Variants in DYM observed in about 807,000 individuals in gnomAD.
The protein encoded by DYM is dymeclin.
A neutral mutation model predicts 93.1 loss-of-function variants in DYM; 78 were observed. The ratio of observed to expected loss-of-function variants is 0.84; its 90% confidence interval spans 0.70 to 1.01. DYM has a LOEUF of 1.01. Ranked by LOEUF, DYM falls within the 50% of genes least tolerant of loss-of-function variation. The pLI, the probability that DYM is intolerant of heterozygous loss-of-function variation, is 0.00. For missense variants in DYM, 789 were observed against 845.0 expected (o/e 0.93, Z 0.82); for synonymous variants, 321 against 319.7 (o/e 1.00, Z -0.04).
At chr18:49,203,001 TG>T (rs1276619696) in intron 14 of DYM, among the ~76,000 whole-genome samples, 3 of 55,588 alleles carry the variant, frequency 5.4e-5, no homozygotes, top group East Asian at 6.5e-4. Context: ...GGGAGGGAGG[TG>T]GGGGGGTCAG....
In DYM at chr18:49,148,146, G is replaced by C. The variant is rs991635134; in HGVS notation, c.1728+15539C>G. Reference sequence around the variant, plus strand: ...CTCACAGGTGGGAATTGAACAATGAGAACACATGGACACAGGAAGGGGAAC... The same window carrying C: ...CTCACAGGTGGGAATTGAACAATGACAACACATGGACACAGGAAGGGGAAC... On this transcript the variant is annotated intron_variant, in intron 15 of 17. Coordinates refer to ENST00000675505, the MANE Select transcript of DYM (RefSeq NM_001353214.3). Among the ~76,000 whole-genome samples, 7 of 152,172 alleles carry C rather than the reference G, an allele frequency of 4.6e-5. No individual in the cohort carries two copies. The Middle Eastern group carries it at 0.014, about 296-fold the overall frequency.
intron 8 of DYM, among the ~76,000 whole-genome samples, chr18:49,296,971 T>C (rs1393201039): frequency 6.6e-6 from 1 of 152,204 alleles, no homozygotes; most frequent in Non-Finnish European, 1.5e-5. Flanking sequence ...CTATAAATCT[T>C]GGAGGGCTCC....
In DYM at chr18:49,181,260, G is replaced by A. The variant is rs553674719; in HGVS notation, c.1626-17473C>T. ...AACCCAAAGCAAAATGAATGTTTCC[G>A]TGGAACAGCATGATTTTGAGATCAC... On this transcript the variant is annotated intron_variant, in intron 14 of 17. Coordinates refer to ENST00000675505, the MANE Select transcript of DYM (RefSeq NM_001353214.3). 2.0e-4 allele frequency among the ~76,000 whole-genome samples: 31 copies of A among 152,238 alleles called. 1 individual carries two copies. The East Asian group carries it at 4.1e-3, about 20-fold the overall frequency.
rs188322451 is a variant in DYM, at chr18:49,096,407, A to C, written c.2025+995T>G. Among the ~76,000 whole-genome samples the C allele has an allele frequency of 5.8e-3, 876 of 152,330 alleles. 4 individuals carry two copies. The highest frequency in any genetic ancestry group is 0.015 in the Admixed American group (235 of 15,302). On this transcript the variant is annotated intron_variant, in intron 17 of 17. Transcript: ENST00000675505. ...AATATCTCTCAAGCATTCATTAAGC[A>C]GTGGTTCTAGTGATAGTGCTGAAAA...
At chr18:49,376,334 AG>A (rs903265327) in intron 5 of DYM, among the ~76,000 whole-genome samples, 2 of 152,250 alleles carry the variant, frequency 1.3e-5, no homozygotes, top group African/African-American at 2.4e-5. Flanking sequence ...TATGCTCTCA[AG>A]GATGAAACTT....
intron 1 of DYM, among the ~76,000 whole-genome samples, chr18:49,455,634 G>A (rs1342445052): frequency 2.0e-5 from 3 of 152,182 alleles, no homozygotes; most frequent in African/African-American, 7.2e-5. Flanking sequence ...ATGTAGGTTA[G>A]TCTGGGTTCA....
chr18:49,310,048 A>G (rs571928886), intron 8 of DYM, among the ~76,000 whole-genome samples: 3 of 152,382 alleles, frequency 2.0e-5, no homozygotes, highest in South Asian at 2.1e-4. Flanking sequence ...AAGCTTGTAA[A>G]TAATACCAAA....
At chr18:49,266,149 A>C (rs190389258) in intron 11 of DYM, among the ~76,000 whole-genome samples, 5 of 152,298 alleles carry the variant, frequency 3.3e-5, no homozygotes, top group Admixed American at 3.3e-4. Flanking sequence ...AAAAATTGGA[A>C]GAAAGAGATG....
At chr18:49,192,947 G>A (rs990617665) in intron 14 of DYM, among the ~76,000 whole-genome samples, 1 of 152,140 alleles carries the variant, frequency 6.6e-6, no homozygotes, top group Non-Finnish European at 1.5e-5. Flanking sequence ...CAAAGCCCCA[G>A]TTAGGCAGGA....
intron 17 of DYM, among the ~76,000 whole-genome samples, chr18:49,070,647 A>G (rs1254090561): frequency 2.0e-5 from 3 of 152,190 alleles, no homozygotes. Flanking sequence ...TTTGAATGCT[A>G]CTTTAGAAAC....
rs1008106366 is a variant in DYM, at chr18:49,421,028, G to C, written c.140+9227C>G. 4.6e-5 allele frequency among the ~76,000 whole-genome samples: 7 copies of C among 152,148 alleles called. No homozygotes were observed. The East Asian group carries it at 1.4e-3, about 29-fold the overall frequency. ...AAGCAGCCGGGAAGCCCAAACCGCA[G>C]CTCAAGGAGAACTGCCTGCCTCTGT... On this transcript the variant is annotated intron_variant, in intron 2 of 17. Coordinates refer to ENST00000675505, the MANE Select transcript of DYM (RefSeq NM_001353214.3).
chr18:49,148,818 C>T (rs1170816731), intron 15 of DYM, among the ~76,000 whole-genome samples: 1 of 152,232 alleles, frequency 6.6e-6, no homozygotes, highest in African/African-American at 2.4e-5. Context: ...AGCCTTTGCA[C>T]TCCCTGCTCT....
intron 1 of DYM, among the ~76,000 whole-genome samples, chr18:49,439,529 C>T (rs1052161346): frequency 2.6e-5 from 4 of 152,150 alleles, no homozygotes; most frequent in Admixed American, 2.6e-4. Flanking sequence ...TCTTCCTTAT[C>T]CCTAATCAAT....
intron 13 of DYM, among the ~76,000 whole-genome samples, chr18:49,221,791 G>C (rs2093368879): frequency 6.6e-6 from 1 of 152,038 alleles, no homozygotes. Flanking sequence ...AGCATTAGGA[G>C]ATATACCTAA....
At chr18:49,173,224 T>C (rs1032462550) in intron 14 of DYM, among the ~76,000 whole-genome samples, 1 of 152,134 alleles carries the variant, frequency 6.6e-6, no homozygotes, top group African/African-American at 2.4e-5. Context: ...ACCAGCTTTA[T>C]AGTAAATCTT....
At chr18:49,195,339 T>C (rs1241169931) in intron 14 of DYM, among the ~76,000 whole-genome samples, 1 of 152,218 alleles carries the variant, frequency 6.6e-6, no homozygotes, top group African/African-American at 2.4e-5. Context: ...CAACAGGTAA[T>C]GATCAAATCA....
At position 49,039,497 on chromosome 18, in the gene DYM, T is replaced by A. The variant is rs2143966512; in HGVS notation, c.*4558A>T. Among the ~76,000 whole-genome samples, 1 of 152,282 alleles carries A rather than the reference T, an allele frequency of 6.6e-6. No homozygotes were observed. The highest frequency in any genetic ancestry group is 1.9e-4 in the East Asian group (1 of 5,184). ...AGCCATTTGTTTAAATATTCCTTTC[T>A]TCTACTCTTTTGAGATGCCAACTAC... On this transcript the variant is annotated 3_prime_UTR_variant, in exon 18 of 18. Transcript: ENST00000675505.
At chr18:49,344,869 C>T (rs2064452900) in intron 6 of DYM, among the ~76,000 whole-genome samples, 1 of 152,104 alleles carries the variant, frequency 6.6e-6, no homozygotes. Flanking sequence ...ACAAACTTCA[C>T]AGAGCTTAAA....
intron 3 of DYM, 63 bp from the exon 4 acceptor site, chr18:49,379,821 C>G: frequency 7.5e-7 from 1 of 1,325,710 alleles, no homozygotes; most frequent in Non-Finnish European, 1.1e-6. Context: ...GTGAGCTTAT[C>G]ATAACATTTA....
Sources: allele counts gnomAD v4.1 joint callset (sites outside exome capture counted in the v4.1 genomes callset), GRCh38; gene constraint gnomAD v4.1.1; transcripts MANE v1.5; gene names NCBI Gene and HGNC (gene_info 2026-07-23, HGNC 2026-07-21).